ASB17: variants seen among roughly 807,000 people sequenced by gnomAD.
ASB17 encodes the protein ankyrin repeat and SOCS box containing 17.
Under a neutral mutation model 25.7 loss-of-function variants are expected in ASB17, and 26 were observed. That is an observed-to-expected ratio of 1.01 (90% CI 0.74 to 1.40). ASB17 has a LOEUF of 1.40. Among genes scored for constraint, ASB17 ranks in the 40% most tolerant of loss-of-function variants. ASB17 has a pLI of 0.00. For missense variants in ASB17, 326 were observed against 338.5 expected (o/e 0.96, Z 0.29); for synonymous variants, 128 against 121.4 (o/e 1.05, Z -0.36).
chr1:75,927,192 C>A (rs1653195335), intron 1 of ASB17, among the ~76,000 whole-genome samples: 1 of 152,146 alleles, frequency 6.6e-6, no homozygotes, highest in Non-Finnish European at 1.5e-5. Flanking sequence ...GGCACTGGAC[C>A]TACTAACAAT....
At chr1:75,921,359 C>G (rs938442961) in intron 2 of ASB17, among the ~76,000 whole-genome samples, 10 of 152,082 alleles carry the variant, frequency 6.6e-5, no homozygotes, top group African/African-American at 2.4e-4. Context: ...TGAAGTCACA[C>G]CCTTAAAGAT....
intron 1 of ASB17, among the ~76,000 whole-genome samples, chr1:75,923,563 AATG>A (rs1653088468): frequency 6.6e-6 from 1 of 152,184 alleles, no homozygotes; most frequent in South Asian, 2.1e-4. Flanking sequence ...AAATTTTATT[AATG>A]ATTTTTGTCT....
Position 75,918,900 on chromosome 1 carries a change from C to G in ASB17, c.*52G>C. ...ACATGAAGTGAATTTTTATTAACTTCTAAGCCATACATTGGTAAGCATTGT... is the reference window on the plus strand; with the variant it reads ...ACATGAAGTGAATTTTTATTAACTTGTAAGCCATACATTGGTAAGCATTGT... On this transcript the variant is annotated 3_prime_UTR_variant, in exon 3 of 3. Transcript: ENST00000284142. 1 of 1,431,768 alleles carries G rather than the reference C, an allele frequency of 7.0e-7. No homozygotes were observed. Among genetic ancestry groups the G allele is most frequent in the Non-Finnish European group, 9.8e-7 (1 of 1,016,136 alleles). 88.7% of individuals were successfully genotyped at this position (1,431,768 alleles called of 1,614,324 possible).
chr1:75,922,710 A>G (rs1255080354), intron 1 of ASB17, among the ~76,000 whole-genome samples: 1 of 151,768 alleles, frequency 6.6e-6, no homozygotes, highest in Admixed American at 6.6e-5. Flanking sequence ...TGGTCAGTCT[A>G]GTCTCAAACT....
chr1:75,925,320 A>G (rs867830003), intron 1 of ASB17, among the ~76,000 whole-genome samples: 2 of 152,092 alleles, frequency 1.3e-5, no homozygotes, highest in Admixed American at 1.3e-4. Flanking sequence ...TAAGAACCTT[A>G]TAAGTATGGG....
chr1:75,925,952 T>C (rs1653161970), intron 1 of ASB17, among the ~76,000 whole-genome samples: 1 of 152,182 alleles, frequency 6.6e-6, no homozygotes, highest in South Asian at 2.1e-4. Flanking sequence ...CTTTGGCTAT[T>C]TCTCCTCAAC....
chr1:75,923,765 T>C (rs552612307), intron 1 of ASB17, among the ~76,000 whole-genome samples: 1 of 152,314 alleles, frequency 6.6e-6, no homozygotes, highest in South Asian at 2.1e-4. Context: ...TGTTCTAGGT[T>C]CTAAGTTTTA....
intron 1 of ASB17, among the ~76,000 whole-genome samples, chr1:75,931,466 T>C (rs1653319434): frequency 6.6e-6 from 1 of 152,186 alleles, no homozygotes; most frequent in Non-Finnish European, 1.5e-5. Flanking sequence ...AACACACAAA[T>C]AGGGAACTAT....
At position 75,922,373 on chromosome 1, in the gene ASB17, A is replaced by G. The variant is rs1452110727; in HGVS notation, c.402-14T>C. 2 of 1,534,598 alleles carry G rather than the reference A, an allele frequency of 1.3e-6. No individual in the cohort carries two copies. Among genetic ancestry groups the G allele is most frequent in the Non-Finnish European group, 1.8e-6 (2 of 1,142,258 alleles). On this transcript the variant is annotated splice_polypyrimidine_tract_variant and intron_variant, in intron 1 of 2. Coordinates refer to ENST00000284142, the MANE Select transcript of ASB17 (RefSeq NM_080868.3). ...GGTGTGAAAGTTCTGTGAATTAAAC[A>G]AAACAAAAACTCATTGGATATAGAA...
In ASB17 at chr1:75,922,119, A is replaced by G. The variant is rs1183331839; in HGVS notation, c.642T>C (p.Cys214=). ...CTGAAATGACAGAAAGCACTCTGGA[A>G]CATAGTACCAAACATGTTTTGGCAT... The part of the protein sequence containing the change: ...HEDAKTCLVL[C]SRVLSVISVK... The change falls in exon 2 of 3, where the codon TGT becomes TGC. Residue 214 remains cysteine, a synonymous_variant. Transcript: ENST00000284142. 9 of 1,613,902 alleles carry G rather than the reference A, an allele frequency of 5.6e-6. No individual in the cohort carries two copies. The highest frequency in any genetic ancestry group is 7.6e-6 in the Non-Finnish European group (9 of 1,179,898).
At chr1:75,919,823 T>G (rs1652981321) in intron 2 of ASB17, among the ~76,000 whole-genome samples, 1 of 152,194 alleles carries the variant, frequency 6.6e-6, no homozygotes, top group Admixed American at 6.5e-5. Flanking sequence ...TCTTTGCTAT[T>G]GTGAATAGTG....
rs1228791421 is a variant in ASB17 at position 75,919,114 on chromosome 1, A to G, written c.726T>C (p.Phe242=). ...LGRHPIISNW[F]DYIPSTRYKD... ...TGTATCTTGTTGAAGGAATGTAATC[A>G]AACCAATTTGAAATAATTGGATGTC... Residue 242 remains phenylalanine (F), a synonymous_variant, in exon 3 of 3, where the codon TTT becomes TTC. Transcript: ENST00000284142. 6.2e-7 allele frequency: 1 copy of G among 1,613,172 alleles called. No individual in the cohort carries two copies. Among genetic ancestry groups the G allele is most frequent in the African/African-American group, 1.3e-5 (1 of 75,044 alleles).
At chr1:75,931,724 A>G (rs1653325731) in intron 1 of ASB17, among the ~76,000 whole-genome samples, 167 bp downstream of exon 1, 1 of 152,146 alleles carries the variant, frequency 6.6e-6, no homozygotes, top group African/African-American at 2.4e-5. Context: ...ATAAAAATGG[A>G]ATACATAATA....
chr1:75,929,974 G>T (rs530974110), intron 1 of ASB17, among the ~76,000 whole-genome samples: 10 of 148,166 alleles, frequency 6.7e-5, no homozygotes, highest in Non-Finnish European at 1.2e-4. Context: ...TGGCAGAGAG[G>T]GGGGGTGAGT....
intron 1 of ASB17, among the ~76,000 whole-genome samples, chr1:75,930,198 T>A (rs551345471): frequency 1.5e-4 from 22 of 148,348 alleles, no homozygotes; most frequent in African/African-American, 5.1e-4. Context: ...TATAACCAGT[T>A]GTATTTATTT....
Position 75,932,099 on chromosome 1 carries a change from C to T in ASB17, c.193G>A (p.Ala65Thr), listed in dbSNP as rs767340808. ...LRYVDLDGFD[A>T]LLTDYIAFVE... ...AATGCAATGTAATCTGTGAGTAGTG[C>T]GTCAAAACCATCCAAGTCCACATAC... The change falls in exon 1 of 3, where the codon GCA (alanine) becomes ACA (threonine). Residue 65 changes from alanine (A) to threonine (T), a missense_variant. Coordinates refer to ENST00000284142, the MANE Select transcript of ASB17 (RefSeq NM_080868.3). The T allele has an allele frequency of 6.9e-5, 111 of 1,613,930 alleles. No individual in the cohort carries two copies. The highest frequency in any genetic ancestry group is 8.6e-5 in the Non-Finnish European group (102 of 1,179,990).
At chr1:75,923,709 A>G (rs1278970256) in intron 1 of ASB17, among the ~76,000 whole-genome samples, 1 of 152,230 alleles carries the variant, frequency 6.6e-6, no homozygotes, top group East Asian at 1.9e-4. Flanking sequence ...CATATATAGT[A>G]CTTAGGTAAA....
intron 2 of ASB17, among the ~76,000 whole-genome samples, chr1:75,921,466 G>A (rs183699899): frequency 2.0e-5 from 3 of 152,070 alleles, no homozygotes; most frequent in Non-Finnish European, 4.4e-5. Context: ...CTACTAATGG[G>A]CATGATTCAA....
Position 75,932,072 on chromosome 1 carries a change from C to T in ASB17, c.220G>A (p.Val74Met). 1 of 1,614,028 alleles carries T rather than the reference C, an allele frequency of 6.2e-7. No individual in the cohort carries two copies. The highest frequency in any genetic ancestry group is 8.5e-7 in the Non-Finnish European group (1 of 1,179,960). ...TCAAAACGGTATCCTGATTTTTCCA[C>T]AAATGCAATGTAATCTGTGAGTAGT... ...DALLTDYIAF[V>M]EKSGYRFEVS... Residue 74 changes from valine to methionine, a missense_variant, in exon 1 of 3, where the codon GTG becomes ATG. Physicochemically the swap from Val to Met is conservative, Grantham distance 21. Coordinates refer to ENST00000284142, the MANE Select transcript of ASB17 (RefSeq NM_080868.3).
Sources: allele counts gnomAD v4.1 joint callset (sites outside exome capture counted in the v4.1 genomes callset), GRCh38; gene constraint gnomAD v4.1.1; transcripts MANE v1.5; gene names NCBI Gene and HGNC (gene_info 2026-07-23, HGNC 2026-07-21).